The following LIMS4 variants were observed in gnomAD, a reference collection of about 807,000 sequenced individuals.
LIMS4 encodes the protein LIM zinc finger domain containing 4, also known as LIM and senescent cell antigen-like-containing domain protein 4.
At chr2:110,386,944 C>T in the LIMS4 span, 1 of 690,504 alleles carries the variant, frequency 1.4e-6, no homozygotes, top group Non-Finnish European at 2.6e-6. Context: ...GGAGCGGGGA[C>T]ACTAGGGTCA....
chr2:110,365,704 G>A, the LIMS4 span, among the ~76,000 whole-genome samples: 1 of 133,556 alleles, frequency 7.5e-6, no homozygotes, highest in Non-Finnish European at 1.5e-5. Flanking sequence ...GAAATAAAGT[G>A]ATGCATGAAA....
At chr2:110,361,942 A>G in the LIMS4 span, 2 of 1,420,328 alleles carry the variant, frequency 1.4e-6, no homozygotes, top group East Asian at 2.3e-5. Context: ...GAGCAGCCAC[A>G]TCAGAGTACA....
chr2:110,360,710 C>G, the LIMS4 span: 1 of 1,604,608 alleles, frequency 6.2e-7, no homozygotes, highest in Non-Finnish European at 8.5e-7. Flanking sequence ...TTTGCGCACA[C>G]TTTGCACTTT....
chr2:110,418,609 A>G, the LIMS4 span, among the ~76,000 whole-genome samples: 1 of 63,408 alleles, frequency 1.6e-5, no homozygotes, highest in Non-Finnish European at 2.8e-5. Flanking sequence ...TGATGTAAAT[A>G]TAGCCATTTT....
the LIMS4 span, among the ~76,000 whole-genome samples, chr2:110,411,604 T>C: frequency 7.4e-6 from 1 of 134,460 alleles, no homozygotes. Context: ...ATCCTTCATA[T>C]GCCCTCCAGG....
At chr2:110,419,656 C>CAAAA in the LIMS4 span, among the ~76,000 whole-genome samples, 7 of 8,120 alleles carry the variant, frequency 8.6e-4, no homozygotes, top group African/African-American at 2.5e-3. Context: ...ACAACAACAA[C>CAAAA]AAAAAAAAAA....
the LIMS4 span, among the ~76,000 whole-genome samples, chr2:110,367,869 T>A: frequency 3.6e-5 from 5 of 139,876 alleles, no homozygotes; most frequent in Non-Finnish European, 6.0e-5. Flanking sequence ...AGGGACAGAA[T>A]GAGACCCCTC....
chr2:110,378,767 T>G, the LIMS4 span, among the ~76,000 whole-genome samples: 7 of 111,936 alleles, frequency 6.3e-5, no homozygotes, highest in African/African-American at 3.3e-4. Flanking sequence ...GATATCCTAT[T>G]GAGTATGTAT....
chr2:110,425,363 G>C, the LIMS4 span, among the ~76,000 whole-genome samples: 2 of 141,346 alleles, frequency 1.4e-5, 1 homozygote, highest in African/African-American at 6.0e-5. Flanking sequence ...CTGGGCAACA[G>C]CAATACTGCT....
the LIMS4 span, among the ~76,000 whole-genome samples, chr2:110,373,617 C>T: frequency 1.3e-5 from 2 of 151,424 alleles, no homozygotes; most frequent in Non-Finnish European, 2.9e-5. Flanking sequence ...GAGGGGGAAA[C>T]TGAGGCCCAG....
the LIMS4 span, chr2:110,376,258 C>T: frequency 1.5e-4 from 20 of 137,850 alleles, no homozygotes; most frequent in Admixed American, 1.1e-3. Context: ...TCGGAACTTT[C>T]AATACAGCTT....
chr2:110,378,876 C>A, the LIMS4 span, among the ~76,000 whole-genome samples: 1 of 134,856 alleles, frequency 7.4e-6, no homozygotes, highest in Non-Finnish European at 1.5e-5. Flanking sequence ...CCCAGCCTGT[C>A]ATAATGGCCA....
the LIMS4 span, chr2:110,387,787 C>T: frequency 7.6e-4 from 122 of 160,056 alleles, no homozygotes; most frequent in Middle Eastern, 0.011. Context: ...AGCCACCATG[C>T]CCAGCCTCTA....
At chr2:110,375,940 TTCTG>T in the LIMS4 span, 2 of 73,438 alleles carry the variant, frequency 2.7e-5, no homozygotes, top group Non-Finnish European at 4.6e-5. Context: ...TGGCTTCCAT[TTCTG>T]TCTTATAGTT....
At chr2:110,372,732 C>T in the LIMS4 span, among the ~76,000 whole-genome samples, 1 of 148,874 alleles carries the variant, frequency 6.7e-6, no homozygotes, top group Non-Finnish European at 1.5e-5. Context: ...TCTCAAACTC[C>T]TGACCTCAAG....
At chr2:110,361,956 C>A in the LIMS4 span, 1 of 1,377,738 alleles carries the variant, frequency 7.3e-7, no homozygotes, top group Non-Finnish European at 1.0e-6. Flanking sequence ...GAGTACACAA[C>A]ATTGCAACGT....
the LIMS4 span, among the ~76,000 whole-genome samples, chr2:110,379,031 T>C: frequency 6.7e-6 from 1 of 148,534 alleles, no homozygotes; most frequent in Non-Finnish European, 1.5e-5. Context: ...CTGGAGAATA[T>C]ATGTGGGAAT....
chr2:110,382,146 TATATAC>T, the LIMS4 span, among the ~76,000 whole-genome samples: 24 of 87,532 alleles, frequency 2.7e-4, no homozygotes, highest in Admixed American at 2.6e-3. Context: ...TATATATATA[TATATAC>T]ATGTTTGAAC....
chr2:110,397,514 TAGAC>T, the LIMS4 span: 1 of 98,432 alleles, frequency 1.0e-5, no homozygotes, highest in African/African-American at 4.1e-5. Context: ...GTTGAAGTCA[TAGAC>T]AGGCATGCTA....
Sources: gnomAD v4.1 joint callset for allele counts (sites outside exome capture counted in the v4.1 genomes callset) on GRCh38, gnomAD v4.1.1 for gene constraint, MANE v1.5 for transcripts, NCBI Gene and HGNC (gene_info 2026-07-23, HGNC 2026-07-21) for gene names.